MAG: variants seen among roughly 807,000 people sequenced by gnomAD.
MAG encodes the protein myelin associated glycoprotein.
Under a neutral mutation model 60.7 loss-of-function variants are expected in MAG, and 30 were observed. The observed-to-expected ratio is 0.49, with a 90% CI of 0.37 to 0.67. The LOEUF (loss-of-function observed/expected upper bound fraction) is 0.67, where lower values mean the gene tolerates loss of function less well. MAG is among the 30% of genes least tolerant of loss of function. The pLI is 0.00. For missense variants in MAG, 795 were observed against 851.7 expected, an observed-to-expected ratio of 0.93 and a Z score of 0.83; for synonymous variants, 384 against 376.8, an observed-to-expected ratio of 1.02 and a Z score of -0.22.
At position 35,295,725 on chromosome 19, in the gene MAG, T is replaced by C; in HGVS notation, c.159T>C (p.Ala53=). 1 of 1,613,852 alleles carries C rather than the reference T, an allele frequency of 6.2e-7. No individual in the cohort carries two copies. Among genetic ancestry groups the C allele is most frequent in the South Asian group, 1.1e-5 (1 of 91,072 alleles). The part of the protein sequence containing the change: ...RFDFPDELRP[A]VVHGVWYFNS... Reference sequence around the variant, plus strand: ...ACTTCCCGGATGAGCTGCGGCCCGCTGTGGTGCATGGTGTCTGGTACTTCA... The same window carrying C: ...ACTTCCCGGATGAGCTGCGGCCCGCCGTGGTGCATGGTGTCTGGTACTTCA... The change falls in exon 4 of 11, where the codon GCT becomes GCC. Residue 53 remains alanine, a synonymous_variant. Coordinates refer to ENST00000392213, the MANE Select transcript of MAG (RefSeq NM_002361.4). The surrounding 1 kb of genome is among the most constrained non-coding windows in gnomAD (Gnocchi z 5.8).
At chr19:35,294,778 A>G (rs2066383532) in intron 2 of MAG, among the ~76,000 whole-genome samples, 2 of 152,062 alleles carry the variant, frequency 1.3e-5, no homozygotes, top group South Asian at 4.1e-4. Context: ...AATAATAATA[A>G]CCAAATAAAT....
At chr19:35,294,032 A>C (rs1021650762) in intron 1 of MAG, among the ~76,000 whole-genome samples, 12 of 150,556 alleles carry the variant, frequency 8.0e-5, no homozygotes, top group Non-Finnish European at 4.4e-5. Context: ...TTCCCTCCCC[A>C]CAGTTCTCTG....
At chr19:35,303,130 G>C (rs2066461072) in intron 7 of MAG, among the ~76,000 whole-genome samples, 1 of 152,122 alleles carries the variant, frequency 6.6e-6, no homozygotes, top group African/African-American at 2.4e-5. Context: ...CGCCATGTTG[G>C]CCTGGCTTGT....
At chr19:35,312,994 G>A (rs1012990240) in intron 10 of MAG, among the ~76,000 whole-genome samples, 4 of 152,156 alleles carry the variant, frequency 2.6e-5, no homozygotes, top group African/African-American at 4.8e-5. Flanking sequence ...AGCAAAGATC[G>A]AGCCATTGCA....
At chr19:35,308,708 T>C (rs1021908544) in intron 7 of MAG, among the ~76,000 whole-genome samples, 12 of 152,250 alleles carry the variant, frequency 7.9e-5, no homozygotes, top group African/African-American at 2.7e-4. Flanking sequence ...AAATCTCGCC[T>C]AAAGAACACA....
intron 7 of MAG, among the ~76,000 whole-genome samples, chr19:35,305,123 G>C (rs898463497): frequency 9.2e-5 from 14 of 152,230 alleles, no homozygotes; most frequent in African/African-American, 3.4e-4. Context: ...TGCTAGACTT[G>C]AGGGGAGCAG....
At chr19:35,301,783 C>T (rs1056335549) in intron 6 of MAG, among the ~76,000 whole-genome samples, 2 of 152,152 alleles carry the variant, frequency 1.3e-5, no homozygotes, top group Non-Finnish European at 2.9e-5. Flanking sequence ...TCAGGCTGCT[C>T]TCGATCTCCT....
At chr19:35,292,434 C>A (rs995941321) in intron 1 of MAG, among the ~76,000 whole-genome samples, 2 of 151,944 alleles carry the variant, frequency 1.3e-5, no homozygotes, top group East Asian at 1.9e-4. Flanking sequence ...AACAAAGGGC[C>A]CCCCCTCAGC....
rs201562930 is a variant in MAG at position 35,313,343 on chromosome 19, C to T, written c.1770C>T (p.Pro590=). ...GGCTGCTGGGCCTTCGGGGTGAGCC[C>T]CCAGAGCTGGACCTGAGCTATTCTC... ...ERRLLGLRGE[P]PELDLSYSHS... The change falls in exon 11 of 11, where the codon CCC becomes CCT. Residue 590 remains proline (P), a synonymous_variant. Coordinates refer to ENST00000392213, the MANE Select transcript of MAG (RefSeq NM_002361.4). The T allele has an allele frequency of 1.2e-6, 2 of 1,614,150 alleles. No individual in the cohort carries two copies. The highest frequency in any genetic ancestry group is 8.5e-7 in the Non-Finnish European group (1 of 1,180,016).
chr19:35,292,666 C>T (rs199768925), intron 1 of MAG, among the ~76,000 whole-genome samples: 19 of 133,594 alleles, frequency 1.4e-4, no homozygotes, highest in South Asian at 7.6e-4. Flanking sequence ...TGTGTGTGTG[C>T]GTGTGCGTGC....
chr19:35,311,941 G>A lies in MAG; in HGVS notation c.1640G>A (p.Ser547Asn), dbSNP rs1389837167. 6.2e-7 allele frequency: 1 copy of A among 1,613,252 alleles called. No homozygotes were observed. The highest frequency in any genetic ancestry group is 1.3e-5 in the African/African-American group (1 of 75,026). The change falls in exon 10 of 11, where the codon AGC becomes AAC. Residue 547 changes from serine to asparagine, a missense_variant. By Grantham distance (46) the Ser-to-Asn change is conservative (BLOSUM62 1). Transcript: ENST00000392213. ...RRKKNVTESP[S>N]FSAGDNPPVL... ...AGAAAGAACGTGACAGAGAGCCCCA[G>A]CTTCTCGGCAGGGGACAACCCTCCC...
chr19:35,297,592 C>G (rs1411459593), intron 4 of MAG, among the ~76,000 whole-genome samples: 11 of 147,694 alleles, frequency 7.4e-5, no homozygotes. Flanking sequence ...ACACACACCA[C>G]ACACCTCATA....
intron 7 of MAG, among the ~76,000 whole-genome samples, chr19:35,309,524 C>T (rs2066509217): frequency 6.6e-6 from 1 of 152,138 alleles, no homozygotes. Flanking sequence ...GTGATCCACT[C>T]ACTCTTCGGC....
In MAG at chr19:35,295,765, A is replaced by G; in HGVS notation, c.199A>G (p.Lys67Glu). Residue 67 changes from lysine to glutamate, a missense_variant, in exon 4 of 11, where the codon AAG becomes GAG. By Grantham distance (56) the Lys-to-Glu change is moderately conservative. Coordinates refer to ENST00000392213, the MANE Select transcript of MAG (RefSeq NM_002361.4). This position sits in a 1 kb window ranked among gnomAD's most constrained non-coding sequence, Gnocchi z 5.8. ...CTGGTACTTCAATAGCCCCTACCCC[A>G]AGAACTACCCCCCGGTGGTCTTCAA... ...GVWYFNSPYP[K>E]NYPPVVFKSR... 1 of 1,613,896 alleles carries G rather than the reference A, an allele frequency of 6.2e-7. No individual in the cohort carries two copies.
At position 35,293,408 on chromosome 19, in the gene MAG, G is replaced by T. The variant is rs1599645493; in HGVS notation, c.-79-827G>T. On this transcript the variant is annotated intron_variant, in intron 1 of 10. Transcript: ENST00000392213. This position sits in a 1 kb window ranked among gnomAD's most constrained non-coding sequence, Gnocchi z 4.0. ...CCAGCCCATCCCTGTGGGCACAGGG[G>T]TCCCTGTGCCTGTCTGTGTGTTCAG... Among the ~76,000 whole-genome samples, 1 of 152,022 alleles carries T rather than the reference G, an allele frequency of 6.6e-6. No individual in the cohort carries two copies. Among genetic ancestry groups the T allele is most frequent in the East Asian group, 1.9e-4 (1 of 5,130 alleles).
At chr19:35,311,703 C>G (rs944128030) in intron 9 of MAG, among the ~76,000 whole-genome samples, 1 of 152,206 alleles carries the variant, frequency 6.6e-6, no homozygotes, top group Non-Finnish European at 1.5e-5. Flanking sequence ...CGGCAGAGCT[C>G]AGGGGCCAGG....
intron 6 of MAG, among the ~76,000 whole-genome samples, chr19:35,301,429 C>CTT (rs67343866): frequency 0.19 from 20,495 of 105,640 alleles, 2,824 homozygotes; most frequent in Middle Eastern, 0.27. Flanking sequence ...CTCTTGAGTG[C>CTT]TTTTTTTTTT....
intron 7 of MAG, among the ~76,000 whole-genome samples, chr19:35,308,965 C>A (rs748590125): frequency 2.0e-5 from 3 of 152,178 alleles, no homozygotes; most frequent in African/African-American, 7.2e-5. Flanking sequence ...AGGGCCAGAC[C>A]CTGTCTCTAA....
chr19:35,313,141 C>T lies in MAG; in HGVS notation c.1717-149C>T, dbSNP rs2066540868. ...AGTGGGACCTGGTGACCGCAGGGCT[C>T]GCTGGGCCTGCGGTCCTTGAGAAAG... is the stretch of plus-strand genomic sequence containing the variant. On this transcript the variant is annotated intron_variant, in intron 10 of 10. Transcript: ENST00000392213. The T allele has an allele frequency of 1.4e-5, 10 of 718,466 alleles. No homozygotes were observed. In the South Asian group the frequency reaches 1.7e-4, roughly 12 times the overall value. The allele number at this position is 718,466 out of a possible 1,614,324, so 44.5% of individuals were successfully genotyped here. A position where few individuals can be genotyped will look rare whatever the true frequency, so the allele number is the denominator to read the frequency against.
Sources: gnomAD v4.1 joint callset for allele counts (sites outside exome capture counted in the v4.1 genomes callset) on GRCh38, gnomAD v4.1.1 for gene constraint, Gnocchi (gnomAD v3.1) non-coding constraint, MANE v1.5 for transcripts, NCBI Gene and HGNC (gene_info 2026-07-23, HGNC 2026-07-21) for gene names.